Variants in WDR36 observed in about 807,000 individuals in gnomAD.
The protein encoded by WDR36 is WD repeat domain 36, also known as WD repeat-containing protein 36.
WDR36 carries 63 observed loss-of-function variants against 112.7 expected under a neutral mutation model. That is an observed-to-expected ratio of 0.56 (90% CI 0.46 to 0.69). The LOEUF (loss-of-function observed/expected upper bound fraction) is 0.69, where lower values mean the gene tolerates loss of function less well. Ranked by LOEUF, WDR36 falls within the 30% of genes least tolerant of loss-of-function variation. The pLI is 0.00. For missense variants in WDR36, 1,226 were observed against 1,070.3 expected (o/e 1.15, Z -2.03); for synonymous variants, 410 against 362.2 (o/e 1.13, Z -1.50).
At chr5:111,120,327 A>G (rs918435839) in intron 17 of WDR36, among the ~76,000 whole-genome samples, 169 bp from the exon 18 acceptor site, 1 of 152,206 alleles carries the variant, frequency 6.6e-6, no homozygotes, top group African/African-American at 2.4e-5. Flanking sequence ...CAGCTTTGTT[A>G]TGATGGCATC....
Position 111,098,712 on chromosome 5 carries a change from G to C in WDR36, c.292-10G>C. 1 of 1,516,210 alleles carries C rather than the reference G, an allele frequency of 6.6e-7. No homozygotes were observed. The allele number at this position is 1,516,210 out of a possible 1,614,324, so 93.9% of individuals were successfully genotyped here. A position where few individuals can be genotyped will look rare whatever the true frequency, so the allele number is the denominator to read the frequency against. On this transcript the variant is annotated splice_polypyrimidine_tract_variant and intron_variant, in intron 3 of 22. Coordinates refer to ENST00000513710, the MANE Select transcript of WDR36 (RefSeq NM_139281.3). ...ATAATATGAAATTCTTTTAAACTTCGATGTTTTAGATAGTACATACCTTTA... is the reference window on the plus strand; with the variant it reads ...ATAATATGAAATTCTTTTAAACTTCCATGTTTTAGATAGTACATACCTTTA...
At position 111,128,032 on chromosome 5, in the gene WDR36, C is replaced by G. The variant is rs1753710247; in HGVS notation, c.*1149C>G. Reference sequence around the variant, plus strand: ...ACAACCATTGCAAACCCAGGTAGCCCTGGAGTTTTCTTTTTTTCTCATCAT... The same window carrying G: ...ACAACCATTGCAAACCCAGGTAGCCGTGGAGTTTTCTTTTTTTCTCATCAT... On this transcript the variant is annotated 3_prime_UTR_variant, in exon 23 of 23. Transcript: ENST00000513710. 5.0e-6 allele frequency: 1 copy of G among 200,622 alleles called. No homozygotes were observed. Among genetic ancestry groups the G allele is most frequent in the Non-Finnish European group, 1.0e-5 (1 of 97,822 alleles). 12.4% of individuals were successfully genotyped at this position (200,622 alleles called of 1,614,324 possible). A position where few individuals can be genotyped will look rare whatever the true frequency, so the allele number is the denominator to read the frequency against.
At chr5:111,105,480 A>G (rs1753205968) in intron 10 of WDR36, 120 bp downstream of exon 10, 1 of 894,868 alleles carries the variant, frequency 1.1e-6, no homozygotes, top group Non-Finnish European at 1.8e-6. Flanking sequence ...CTAGATAAAC[A>G]TGTATGGAAG....
chr5:111,125,910 G>A (rs1753671516), intron 22 of WDR36, 115 bp downstream of exon 22: 4 of 1,006,384 alleles, frequency 4.0e-6, no homozygotes, highest in Non-Finnish European at 6.1e-6. Context: ...CAGTATCATA[G>A]CCACTTGCCA....
intron 4 of WDR36, among the ~76,000 whole-genome samples, chr5:111,099,607 C>T (rs1336651188): frequency 6.6e-6 from 1 of 151,434 alleles, no homozygotes; most frequent in Non-Finnish European, 1.5e-5. Flanking sequence ...CAAAAGTATT[C>T]CCTGTGCAGA....
intron 12 of WDR36, among the ~76,000 whole-genome samples, chr5:111,108,556 A>G (rs1052299441): frequency 7.3e-5 from 11 of 151,368 alleles, no homozygotes; most frequent in African/African-American, 2.7e-4. Flanking sequence ...TCCCGTAGGG[A>G]CATTTACCTA....
chr5:111,105,644 A>G (rs1045362987), intron 10 of WDR36, among the ~76,000 whole-genome samples: 5 of 151,534 alleles, frequency 3.3e-5, no homozygotes, highest in Non-Finnish European at 5.9e-5. Context: ...TGTAGAGTGC[A>G]CAGTTTTTAA....
intron 4 of WDR36, among the ~76,000 whole-genome samples, chr5:111,099,475 T>TTTTTTTTTTTTTTTTTTTTTTTTG (rs1753073740): frequency 2.2e-5 from 3 of 136,212 alleles, no homozygotes; most frequent in African/African-American, 8.2e-5. Context: ...TTTTTTTTTT[T>TTTTTTTTTTTTTTTTTTTTTTTTG]TTTTTTTTTC....
chr5:111,102,530 C>T, intron 6 of WDR36, 131 bp downstream of exon 6: 1 of 907,980 alleles, frequency 1.1e-6, no homozygotes. Context: ...AAATTGTTAG[C>T]CTGAGGAAAT....
chr5:111,111,340 C>T, intron 15 of WDR36, 62 bp downstream of exon 15: 1 of 1,257,982 alleles, frequency 7.9e-7, no homozygotes, highest in Non-Finnish European at 1.2e-6. Flanking sequence ...GTGTGTTATC[C>T]TTTAATAGCC....
At chr5:111,122,142 T>A (rs950977138) in intron 19 of WDR36, among the ~76,000 whole-genome samples, 1 of 152,192 alleles carries the variant, frequency 6.6e-6, no homozygotes, top group Non-Finnish European at 1.5e-5. Flanking sequence ...TCTAGGAGCA[T>A]GGTGTGGAAT....
At chr5:111,105,921 C>T in intron 10 of WDR36, 136 bp from the exon 11 acceptor site, 1 of 676,920 alleles carries the variant, frequency 1.5e-6, no homozygotes, top group Non-Finnish European at 2.6e-6. Flanking sequence ...GTGGTAATAA[C>T]ATCTTTGTTT....
At position 111,127,043 on chromosome 5, in the gene WDR36, A is replaced by G. The variant is rs901750087; in HGVS notation, c.*160A>G. The G allele has an allele frequency of 2.0e-5, 14 of 715,194 alleles. No homozygotes were observed. Among genetic ancestry groups the G allele is most frequent in the Non-Finnish European group, 2.8e-5 (13 of 457,062 alleles). The allele number at this position is 715,194 out of a possible 1,614,324, so 44.3% of individuals were successfully genotyped here. On this transcript the variant is annotated 3_prime_UTR_variant, in exon 23 of 23. Coordinates refer to ENST00000513710, the MANE Select transcript of WDR36 (RefSeq NM_139281.3). ...ATGCTAAATACTTTCTTGAAATAAA[A>G]TCGCACCTCCCGGCCAGGCATGATG...
rs1449348556 is a variant in WDR36, at chr5:111,099,481, T to G, written c.409+642T>G. On this transcript the variant is annotated intron_variant, in intron 4 of 22. Transcript: ENST00000513710. ...TTTTTTTGTTTTTTTTTTTTTTTTT[T>G]TTTCAGTAAATATCCTGAAGATTGC... 1.2e-4 allele frequency among the ~76,000 whole-genome samples: 18 copies of G among 146,136 alleles called. 1 individual carries two copies. The highest frequency in any genetic ancestry group is 6.0e-5 in the Non-Finnish European group (4 of 66,358).
intron 10 of WDR36, 29 bp from the exon 11 acceptor site, chr5:111,106,028 A>C: frequency 6.6e-7 from 1 of 1,514,506 alleles, no homozygotes; most frequent in Non-Finnish European, 9.2e-7. Context: ...ATTCATAGCT[A>C]TGTATGTTCC....
chr5:111,111,039 A>G, intron 14 of WDR36, 86 bp downstream of exon 14: 2 of 1,573,118 alleles, frequency 1.3e-6, no homozygotes, highest in Non-Finnish European at 1.7e-6. Flanking sequence ...GAAAAATCAG[A>G]CTCTTTAATA....
At chr5:111,100,456 G>C (rs1753100715) in intron 4 of WDR36, 133 bp from the exon 5 acceptor site, 3 of 551,082 alleles carry the variant, frequency 5.4e-6, no homozygotes, top group South Asian at 6.4e-5. Context: ...TTATAGATTA[G>C]TATCTAAGTC....
intron 6 of WDR36, 104 bp from the exon 7 acceptor site, chr5:111,103,682 A>G: frequency 1.4e-6 from 2 of 1,422,922 alleles, no homozygotes; most frequent in East Asian, 4.6e-5. Context: ...TTTAGAAGAT[A>G]CTTCATTATT....
chr5:111,100,790 T>C, intron 5 of WDR36, 69 bp downstream of exon 5: 1 of 1,463,678 alleles, frequency 6.8e-7, no homozygotes, highest in Non-Finnish European at 9.4e-7. Context: ...TAATGTATAC[T>C]TAAGTCTCAT....
Sources: allele counts gnomAD v4.1 joint callset (sites outside exome capture counted in the v4.1 genomes callset), GRCh38; gene constraint gnomAD v4.1.1; transcripts MANE v1.5; gene names NCBI Gene and HGNC (gene_info 2026-07-23, HGNC 2026-07-21).